SERPINB11: variants seen among roughly 807,000 people sequenced by gnomAD.
SERPINB11 encodes serpin B11.
Under a neutral mutation model 36.7 loss-of-function variants are expected in SERPINB11, and 32 were observed. The observed-to-expected ratio is 0.87, with a 90% CI of 0.66 to 1.17. The LOEUF is 1.17. Ranked by LOEUF, SERPINB11 falls within the 50% of genes most tolerant of loss-of-function variation. The pLI is 0.00. For missense variants in SERPINB11, 528 were observed against 458.4 expected (o/e 1.15, Z -1.39); for synonymous variants, 174 against 168.1 (o/e 1.04, Z -0.27).
chr18:63,705,858 G>A (rs1054685523), intron 1 of SERPINB11: 10 of 152,286 alleles, frequency 6.6e-5, no homozygotes, highest in African/African-American at 2.2e-4. Context: ...AGTGTGAAGA[G>A]CAACTGACTT....
chr18:63,717,056 C>CT (rs757436443), intron 5 of SERPINB11, among the ~76,000 whole-genome samples: 3 of 152,008 alleles, frequency 2.0e-5, no homozygotes, highest in Non-Finnish European at 2.9e-5. Context: ...AAATAAGCCC[C>CT]TTTTTTCCCA....
At chr18:63,720,631 G>C in intron 6 of SERPINB11, 200 bp from the exon 7 acceptor site, 1 of 517,890 alleles carries the variant, frequency 1.9e-6, no homozygotes. Flanking sequence ...GAACAATTCA[G>C]TCTCTAACCA....
Position 63,723,366 on chromosome 18 carries a change from G to A in SERPINB11, c.1146G>A (p.Thr382=), listed in dbSNP as rs753970615. Reference sequence around the variant, plus strand: ...TTATAAGGCACACTCATACCAACACGATCCTATTCTGTGGCAAGCTTGCCT... The same window carrying A: ...TTATAAGGCACACTCATACCAACACAATCCTATTCTGTGGCAAGCTTGCCT... The part of the protein sequence containing the change: ...LFFIRHTHTN[T]ILFCGKLASP Residue 382 remains threonine, a synonymous_variant, in exon 8 of 8, where the codon ACG becomes ACA. Coordinates refer to ENST00000544088, the MANE Select transcript of SERPINB11 (RefSeq NM_001370475.1). 8 of 1,610,500 alleles carry A rather than the reference G, an allele frequency of 5.0e-6. No homozygotes were observed. Among genetic ancestry groups the A allele is most frequent in the East Asian group, 2.2e-5 (1 of 44,780 alleles).
At chr18:63,706,078 A>G (rs1404038984) in intron 1 of SERPINB11, among the ~76,000 whole-genome samples, 1 of 152,226 alleles carries the variant, frequency 6.6e-6, no homozygotes, top group African/African-American at 2.4e-5. Flanking sequence ...TCAAGAGCAA[A>G]GAAAACTGTG....
chr18:63,713,671 A>G (rs1228709516), intron 4 of SERPINB11, among the ~76,000 whole-genome samples: 1 of 152,160 alleles, frequency 6.6e-6, no homozygotes, highest in African/African-American at 2.4e-5. Context: ...CTGCCCTGGA[A>G]GCATATAGGG....
chr18:63,705,399 TA>T (rs1914346493), intron 1 of SERPINB11: 1 of 152,154 alleles, frequency 6.6e-6, no homozygotes, highest in Non-Finnish European at 1.5e-5. Flanking sequence ...ATGCGTAAGA[TA>T]AAGAAATCAA....
At chr18:63,711,816 T>C (rs2144537311) in intron 3 of SERPINB11, among the ~76,000 whole-genome samples, 1 of 152,286 alleles carries the variant, frequency 6.6e-6, no homozygotes, top group Non-Finnish European at 1.5e-5. Flanking sequence ...TGGTCTCTAG[T>C]TTTTTCCAGT....
intron 1 of SERPINB11, among the ~76,000 whole-genome samples, chr18:63,707,060 A>C (rs1287484292): frequency 6.6e-6 from 1 of 152,116 alleles, no homozygotes; most frequent in Non-Finnish European, 1.5e-5. Flanking sequence ...ACACTTTCTG[A>C]CTCCTACACT....
chr18:63,708,726 G>A (rs1914435708), intron 1 of SERPINB11, among the ~76,000 whole-genome samples: 1 of 152,166 alleles, frequency 6.6e-6, no homozygotes, highest in Admixed American at 6.5e-5. Context: ...TGGAATTCAA[G>A]GTCAGCATAA....
At chr18:63,712,732 C>T (rs763154195) in intron 4 of SERPINB11, 39 bp downstream of exon 4, 15 of 1,595,374 alleles carry the variant, frequency 9.4e-6, no homozygotes, top group African/African-American at 2.7e-5. Flanking sequence ...ACTTTCTTGG[C>T]GTCCTCTGAA....
chr18:63,710,164 C>A lies in SERPINB11; in HGVS notation c.-15-15C>A. On this transcript the variant is annotated splice_polypyrimidine_tract_variant and intron_variant, in intron 1 of 7. Coordinates refer to ENST00000544088, the MANE Select transcript of SERPINB11 (RefSeq NM_001370475.1). The stretch of plus-strand genomic sequence containing the variant: ...TCAAGTGATGTTCTGAGAATTTTTT[C>A]CCTTCTGTTCTCAGGCAGTCGGCAT... 6.4e-7 allele frequency: 1 copy of A among 1,563,990 alleles called. No individual in the cohort carries two copies. Among genetic ancestry groups the A allele is most frequent in the Non-Finnish European group, 8.6e-7 (1 of 1,156,218 alleles).
chr18:63,709,280 G>C (rs924708921), intron 1 of SERPINB11, among the ~76,000 whole-genome samples: 1 of 152,092 alleles, frequency 6.6e-6, no homozygotes, highest in African/African-American at 2.4e-5. Flanking sequence ...TTATTTCATG[G>C]AGGGATACAG....
At chr18:63,716,224 G>A in intron 5 of SERPINB11, 72 bp downstream of exon 5, 1 of 961,210 alleles carries the variant, frequency 1.0e-6, no homozygotes, top group Non-Finnish European at 1.6e-6. Flanking sequence ...ACTTGCTAAA[G>A]AGGAAGCTGG....
At chr18:63,718,051 C>A (rs1914713425) in intron 5 of SERPINB11, among the ~76,000 whole-genome samples, 1 of 151,996 alleles carries the variant, frequency 6.6e-6, no homozygotes, top group South Asian at 2.1e-4. Context: ...ACTTATTGAA[C>A]AAAGAATCCT....
rs368390510 is a variant in SERPINB11, at chr18:63,710,225, T to C, written c.32T>C (p.Phe11Ser). MGSLSTANVE[F>S]CLDVFKELNS... ...TCTCTCAGCACAGCTAACGTTGAATTTTGCCTTGATGTGTTCAAAGAGCTG... is the reference window on the plus strand; with the variant it reads ...TCTCTCAGCACAGCTAACGTTGAATCTTGCCTTGATGTGTTCAAAGAGCTG... The change falls in exon 2 of 8, where the codon TTT becomes TCT. Residue 11 changes from phenylalanine to serine, a missense_variant. Phe to Ser is a radical substitution (Grantham distance 155). Transcript: ENST00000544088. 16 of 1,611,336 alleles carry C rather than the reference T, an allele frequency of 9.9e-6. No individual in the cohort carries two copies. The African/African-American group carries it at 2.0e-4, about 20-fold the overall frequency.
intron 5 of SERPINB11, among the ~76,000 whole-genome samples, chr18:63,717,104 A>C (rs1206784598): frequency 2.0e-5 from 3 of 151,882 alleles, no homozygotes; most frequent in Non-Finnish European, 2.9e-5. Flanking sequence ...ACCACTTATT[A>C]GTTCTGCCTG....
At position 63,723,075 on chromosome 18, in the gene SERPINB11, C is replaced by T. The variant is rs750033042; in HGVS notation, c.855C>T (p.His285=). 1 of 1,605,926 alleles carries T rather than the reference C, an allele frequency of 6.2e-7. No homozygotes were observed. The highest frequency in any genetic ancestry group is 2.2e-5 in the East Asian group (1 of 44,698). ...TGATGGAAAGAGAAGTTGAAGTACA[C>T]CTCCCCCGATTCAAACTTGAAACTA... ...SNMMEREVEV[H]LPRFKLETKY... Residue 285 remains histidine, a synonymous_variant, in exon 8 of 8, where the codon CAC becomes CAT. Transcript: ENST00000544088.
At chr18:63,707,565 T>G (rs779371644) in intron 1 of SERPINB11, among the ~76,000 whole-genome samples, 3 of 152,228 alleles carry the variant, frequency 2.0e-5, no homozygotes, top group Non-Finnish European at 2.9e-5. Context: ...TCTTCTTACA[T>G]GTATATACCT....
Position 63,720,826 on chromosome 18 carries a change from A to T in SERPINB11, c.619-5A>T. The T allele has an allele frequency of 6.5e-7, 1 of 1,546,264 alleles. No individual in the cohort carries two copies. ...AGTATACTATAATCTTTTTCTTCTTAACAGGGTAAAAATGTAACTGTGGAA... is the reference window on the plus strand; with the variant it reads ...AGTATACTATAATCTTTTTCTTCTTTACAGGGTAAAAATGTAACTGTGGAA... On this transcript the variant is annotated splice_region_variant and splice_polypyrimidine_tract_variant and intron_variant, in intron 6 of 7. Transcript: ENST00000544088.
Sources: gnomAD v4.1 joint callset for allele counts (sites outside exome capture counted in the v4.1 genomes callset) on GRCh38, gnomAD v4.1.1 for gene constraint, MANE v1.5 for transcripts, NCBI Gene and HGNC (gene_info 2026-07-23, HGNC 2026-07-21) for gene names.